CELF2: variants seen among roughly 807,000 people sequenced by gnomAD.
CELF2 encodes the protein CUGBP Elav-like family member 2.
Under a neutral mutation model 62.6 loss-of-function variants are expected in CELF2, and 8 were observed. The ratio of observed to expected loss-of-function variants is 0.13; its 90% CI spans 0.07 to 0.23. The LOEUF is 0.23. Among genes scored for constraint, CELF2 ranks in the 10% least tolerant of loss-of-function variants. The pLI is 1.00. For missense variants in CELF2, 333 were observed against 671.0 expected, an observed-to-expected ratio of 0.50 and a Z score of 5.56; for synonymous variants, 258 against 250.0, an observed-to-expected ratio of 1.03 and a Z score of -0.30.
chr10:11,066,263 C>A (rs993173270), intron 1 of CELF2, among the ~76,000 whole-genome samples: 1 of 152,048 alleles, frequency 6.6e-6, no homozygotes, highest in South Asian at 2.1e-4. Flanking sequence ...AATTTCATCT[C>A]TTTTCTGGAA....
intron 1 of CELF2, among the ~76,000 whole-genome samples, chr10:11,022,037 T>A (rs1467440913): frequency 6.6e-6 from 1 of 152,242 alleles, no homozygotes; most frequent in Non-Finnish European, 1.5e-5. Flanking sequence ...AGTGGGGTTC[T>A]GTTTTTCTCC....
chr10:10,671,730 CTT>C, the CELF2 span, among the ~76,000 whole-genome samples: 6 of 143,578 alleles, frequency 4.2e-5, no homozygotes, highest in East Asian at 2.0e-4. Context: ...ATCTGTATGT[CTT>C]TTTTTTTTTT....
At chr10:10,838,748 A>G (rs1037943908) in intron 1 of CELF2, among the ~76,000 whole-genome samples, 2 of 152,022 alleles carry the variant, frequency 1.3e-5, no homozygotes, top group Non-Finnish European at 2.9e-5. Flanking sequence ...TATTTTGAGT[A>G]CTTACCTGCT....
At chr10:10,959,910 G>A (rs948116444) in intron 2 of CELF2, among the ~76,000 whole-genome samples, 2 of 152,236 alleles carry the variant, frequency 1.3e-5, no homozygotes, top group African/African-American at 4.8e-5. Flanking sequence ...ATTAGCACCA[G>A]TCACTGCCAC....
rs2058231594 is a variant in CELF2, at chr10:11,123,969, C to T, written c.75-41517C>T. 3.9e-5 allele frequency among the ~76,000 whole-genome samples: 6 copies of T among 152,092 alleles called. No homozygotes were observed. The South Asian group carries it at 1.2e-3, about 32-fold the overall frequency. On this transcript the variant is annotated intron_variant, in intron 1 of 12. Coordinates refer to ENST00000633077, the MANE Select transcript of CELF2 (RefSeq NM_001326342.2). The stretch of plus-strand genomic sequence containing the variant: ...AGGTTTAACTCACAGTTCCACATGG[C>T]TGGGGAGGCCTCACAATCAAGGCTG...
At chr10:11,194,891 T>A (rs549361914) in intron 2 of CELF2, among the ~76,000 whole-genome samples, 1 of 152,230 alleles carries the variant, frequency 6.6e-6, no homozygotes, top group East Asian at 1.9e-4. Context: ...AAAATCCCGA[T>A]GCGTCTTTGT....
intron 1 of CELF2, among the ~76,000 whole-genome samples, chr10:11,041,653 CT>C (rs918674462): frequency 6.6e-6 from 1 of 152,130 alleles, no homozygotes; most frequent in African/African-American, 2.4e-5. Context: ...GTTACATGAA[CT>C]TTTCTCATTG....
At chr10:11,221,388 G>C (rs10795853) in intron 3 of CELF2, among the ~76,000 whole-genome samples, 126,149 of 152,174 alleles carry the variant, frequency 0.83, 53,091 homozygotes, top group Non-Finnish European at 0.9. Context: ...TTTTTATTGA[G>C]CTAATTTAGC....
At chr10:11,195,648 T>C (rs2134762654) in intron 2 of CELF2, among the ~76,000 whole-genome samples, 1 of 152,264 alleles carries the variant, frequency 6.6e-6, no homozygotes, top group Non-Finnish European at 1.5e-5. Flanking sequence ...TGACCCAAGC[T>C]CTTTTGGCAG....
At chr10:11,088,368 T>C (rs1366578674) in intron 1 of CELF2, among the ~76,000 whole-genome samples, 1 of 152,158 alleles carries the variant, frequency 6.6e-6, no homozygotes, top group Admixed American at 6.5e-5. Flanking sequence ...AAATGAGAGA[T>C]AAAGCAGAGA....
At chr10:11,048,558 T>C (rs2063286417) in intron 1 of CELF2, among the ~76,000 whole-genome samples, 2 of 152,246 alleles carry the variant, frequency 1.3e-5, no homozygotes, top group South Asian at 4.1e-4. Flanking sequence ...GTAAGGAATA[T>C]ATTGACATCT....
the CELF2 span, among the ~76,000 whole-genome samples, chr10:10,706,593 G>A: frequency 4.4e-4 from 67 of 152,312 alleles, 2 homozygotes; most frequent in African/African-American, 1.6e-3. Context: ...ATAGGAAAAT[G>A]TGGTAGAATT....
the CELF2 span, among the ~76,000 whole-genome samples, chr10:10,483,937 G>C: frequency 2.4e-5 from 3 of 122,952 alleles, no homozygotes; most frequent in East Asian, 2.3e-4. Flanking sequence ...ACTCTCTCTC[G>C]TCTCTCTCTC....
chr10:10,973,692 G>C (rs1160729987), intron 2 of CELF2, among the ~76,000 whole-genome samples: 1 of 152,132 alleles, frequency 6.6e-6, no homozygotes, highest in Non-Finnish European at 1.5e-5. Flanking sequence ...TCAGCCTCCT[G>C]AGTAGCTGAG....
intron 1 of CELF2, among the ~76,000 whole-genome samples, chr10:11,083,544 T>G (rs1042760770): frequency 3.9e-5 from 6 of 152,186 alleles, no homozygotes; most frequent in African/African-American, 1.4e-4. Flanking sequence ...AAGTTTTTAC[T>G]AAGGTAATGT....
chr10:11,206,847 C>T (rs929037069), intron 2 of CELF2, among the ~76,000 whole-genome samples: 5 of 152,266 alleles, frequency 3.3e-5, no homozygotes, highest in Non-Finnish European at 7.3e-5. Flanking sequence ...ACAAAGAAGA[C>T]TCCTTGCTTT....
Position 11,319,680 on chromosome 10 carries a change from C to G in CELF2, c.1097-1509C>G. The G allele has an allele frequency of 2.3e-6, 1 of 429,562 alleles. No individual in the cohort carries two copies. 26.6% of individuals were successfully genotyped at this position (429,562 alleles called of 1,614,324 possible). On this transcript the variant is annotated intron_variant, in intron 10 of 12. Transcript: ENST00000633077. The surrounding 1 kb of genome is among the most constrained non-coding windows in gnomAD (Gnocchi z 4.4). ...GCTGCCACTCCATTCTCACGCCATT[C>G]ACACTCGTCTCGCCACCCCTGCTTG...
chr10:10,695,645 A>C, the CELF2 span, among the ~76,000 whole-genome samples: 1 of 152,076 alleles, frequency 6.6e-6, no homozygotes, highest in Admixed American at 6.5e-5. Context: ...CAGGTACACC[A>C]ATCAGACGTA....
the CELF2 span, among the ~76,000 whole-genome samples, chr10:10,651,651 G>A: frequency 1.3e-5 from 2 of 150,036 alleles, no homozygotes; most frequent in Admixed American, 6.6e-5. Flanking sequence ...CAGACCTGCA[G>A]CTGAGGGTCC....
Sources: allele counts gnomAD v4.1 joint callset (sites outside exome capture counted in the v4.1 genomes callset), GRCh38; gene constraint gnomAD v4.1.1; non-coding constraint Gnocchi (gnomAD v3.1); transcripts MANE v1.5; gene names NCBI Gene and HGNC (gene_info 2026-07-23, HGNC 2026-07-21).